CMKLR1: variants seen among roughly 807,000 people sequenced by gnomAD.
The protein encoded by CMKLR1 is chemerin-like receptor 1.
CMKLR1 carries 6 observed loss-of-function variants against 8.2 expected under a neutral mutation model. That is an observed-to-expected ratio of 0.73 (90% CI 0.40 to 1.44). The LOEUF is 1.44. Among genes scored for constraint, CMKLR1 ranks in the 40% most tolerant of loss-of-function variants. The pLI, the probability that CMKLR1 is intolerant of heterozygous loss-of-function variation, is 0.02. For missense variants in CMKLR1, 429 were observed against 478.0 expected (o/e 0.90, Z 0.96); for synonymous variants, 178 against 181.2 (o/e 0.98, Z 0.14).
chr12:108,291,491 T>G lies in CMKLR1; in HGVS notation c.*350A>C. The G allele has an allele frequency of 4.1e-6, 1 of 244,216 alleles. No individual in the cohort carries two copies. Among genetic ancestry groups the G allele is most frequent in the South Asian group, 6.4e-5 (1 of 15,722 alleles). The allele number at this position is 244,216 out of a possible 1,614,324, so 15.1% of individuals were successfully genotyped here. A position where few individuals can be genotyped will look rare whatever the true frequency, so the allele number is the denominator to read the frequency against. Reference sequence around the variant, plus strand: ...CACACCAGGAATGGACCTTGGAGAGTGTCATTTCTGGGGCACACACAATAG... The same window carrying G: ...CACACCAGGAATGGACCTTGGAGAGGGTCATTTCTGGGGCACACACAATAG... On this transcript the variant is annotated 3_prime_UTR_variant, in exon 4 of 4. Transcript: ENST00000550402.
At position 108,292,426 on chromosome 12, in the gene CMKLR1, G is replaced by A; in HGVS notation, c.537C>T (p.Asp179=). 1 of 1,614,196 alleles carries A rather than the reference G, an allele frequency of 6.2e-7. No homozygotes were observed. Among genetic ancestry groups the A allele is most frequent in the Non-Finnish European group, 8.5e-7 (1 of 1,180,038 alleles). ...ATATTTTCCCATGCAGGTTGGCTGTGTCCCGGAAGACGAGAGATGGGGAAC... is the reference window on the plus strand; with the variant it reads ...ATATTTTCCCATGCAGGTTGGCTGTATCCCGGAAGACGAGAGATGGGGAAC... ...FLSSPSLVFR[D]TANLHGKISC... The change falls in exon 4 of 4, where the codon GAC becomes GAT. Residue 179 remains aspartate (D), a synonymous_variant. Transcript: ENST00000550402.
At chr12:108,335,797 C>T (rs577922030) in intron 1 of CMKLR1, among the ~76,000 whole-genome samples, 8 of 152,306 alleles carry the variant, frequency 5.3e-5, no homozygotes, top group African/African-American at 1.9e-4. Flanking sequence ...GAGTCTTCCA[C>T]CTCTGTTTCA....
chr12:108,308,487 G>C (rs12305593), intron 2 of CMKLR1, among the ~76,000 whole-genome samples: 2,099 of 152,132 alleles, frequency 0.014, 65 homozygotes, highest in African/African-American at 0.048. Context: ...TCAACAGCCT[G>C]TTCCCTGCAG....
chr12:108,323,973 G>C (rs762445611), intron 2 of CMKLR1, among the ~76,000 whole-genome samples: 1 of 152,184 alleles, frequency 6.6e-6, no homozygotes, highest in East Asian at 1.9e-4. Context: ...GCTCCAGAGA[G>C]ACCAGGGGTC....
At chr12:108,338,090 T>G (rs939688490) in intron 1 of CMKLR1, among the ~76,000 whole-genome samples, 21 of 152,344 alleles carry the variant, frequency 1.4e-4, no homozygotes, top group African/African-American at 4.6e-4. Flanking sequence ...GTCTGAGTGA[T>G]TGGGCTTATA....
chr12:108,309,440 C>T lies in CMKLR1; in HGVS notation c.-73-15776G>A, dbSNP rs541502650. ...GCAGTGGGAACAGCAGATGCAAAGG[C>T]AGGAGGATCGCTTGAGCCCAGCAGC... On this transcript the variant is annotated intron_variant, in intron 2 of 3. Coordinates refer to ENST00000550402, the MANE Select transcript of CMKLR1 (RefSeq NM_001142343.2). 4.6e-5 allele frequency among the ~76,000 whole-genome samples: 7 copies of T among 151,982 alleles called. No individual in the cohort carries two copies. In the South Asian group the frequency reaches 1.2e-3, roughly 27 times the overall value.
intron 2 of CMKLR1, among the ~76,000 whole-genome samples, chr12:108,310,008 TAAAGAG>T (rs1420918367): frequency 6.6e-6 from 1 of 151,994 alleles, no homozygotes; most frequent in African/African-American, 2.4e-5. Context: ...CTGCACAAAG[TAAAGAG>T]AAAGGGCTGG....
At chr12:108,337,162 C>T (rs1892246440) in intron 1 of CMKLR1, among the ~76,000 whole-genome samples, 1 of 152,174 alleles carries the variant, frequency 6.6e-6, no homozygotes, top group Non-Finnish European at 1.5e-5. Flanking sequence ...ATGTTCTACT[C>T]CCTTTTGTGG....
At chr12:108,337,244 C>A (rs1892248886) in intron 1 of CMKLR1, among the ~76,000 whole-genome samples, 1 of 152,294 alleles carries the variant, frequency 6.6e-6, no homozygotes, top group South Asian at 2.1e-4. Context: ...ATAGTACCTT[C>A]ATCATGTGGC....
intron 2 of CMKLR1, among the ~76,000 whole-genome samples, chr12:108,318,970 G>T (rs1233913223): frequency 2.0e-5 from 3 of 152,326 alleles, no homozygotes; most frequent in Admixed American, 6.5e-5. Context: ...GCCTTATGCA[G>T]AGCAAATCCT....
chr12:108,332,750 T>A (rs530838563), intron 1 of CMKLR1, among the ~76,000 whole-genome samples: 1 of 152,256 alleles, frequency 6.6e-6, no homozygotes, highest in South Asian at 2.1e-4. Flanking sequence ...TCCCCCTTTT[T>A]ATATGTAGAG....
chr12:108,310,576 G>T (rs918951902), intron 2 of CMKLR1, among the ~76,000 whole-genome samples: 1 of 152,202 alleles, frequency 6.6e-6, no homozygotes, highest in Non-Finnish European at 1.5e-5. Context: ...CACAGGGACT[G>T]GTTTGCTTCC....
chr12:108,327,725 A>G (rs1334297513), intron 2 of CMKLR1, among the ~76,000 whole-genome samples: 3 of 152,346 alleles, frequency 2.0e-5, no homozygotes, highest in South Asian at 4.1e-4. Flanking sequence ...ACTGGGCAGC[A>G]GCCCAGCCTG....
intron 2 of CMKLR1, among the ~76,000 whole-genome samples, chr12:108,324,772 A>T (rs1891943668): frequency 6.6e-6 from 1 of 152,008 alleles, no homozygotes; most frequent in African/African-American, 2.4e-5. Context: ...CTGAGGGTGC[A>T]CCCTTCTGCT....
rs779984645 is a variant in CMKLR1 at position 108,292,806 on chromosome 12, G to A, written c.157C>T (p.Leu53Phe). The change falls in exon 4 of 4, where the codon CTC (leucine) becomes TTC (phenylalanine). Residue 53 changes from leucine to phenylalanine, a missense_variant. Coordinates refer to ENST00000550402, the MANE Select transcript of CMKLR1 (RefSeq NM_001142343.2). Reference sequence around the variant, plus strand: ...ACCAGACCATTGCCCAGAATCCCGAGGAAGCAGACGATGCTGTAGACCACC... The same window carrying A: ...ACCAGACCATTGCCCAGAATCCCGAAGAAGCAGACGATGCTGTAGACCACC... ...LVVVYSIVCF[L>F]GILGNGLVII... The A allele has an allele frequency of 2.2e-5, 35 of 1,614,022 alleles. No homozygotes were observed. Among genetic ancestry groups the A allele is most frequent in the Non-Finnish European group, 2.8e-5 (33 of 1,180,038 alleles).
chr12:108,329,307 G>A (rs536034936), intron 2 of CMKLR1, among the ~76,000 whole-genome samples: 4 of 152,076 alleles, frequency 2.6e-5, no homozygotes, highest in Non-Finnish European at 5.9e-5. Flanking sequence ...TGCCCACCAC[G>A]CCAGACTCCC....
At chr12:108,338,097 T>C (rs1593184226) in intron 1 of CMKLR1, among the ~76,000 whole-genome samples, 1 of 152,326 alleles carries the variant, frequency 6.6e-6, no homozygotes, top group East Asian at 1.9e-4. Flanking sequence ...TGATTGGGCT[T>C]ATATCAAGTA....
intron 3 of CMKLR1, 21 bp downstream of exon 3, chr12:108,293,568 C>T: frequency 6.4e-7 from 1 of 1,550,898 alleles, no homozygotes; most frequent in East Asian, 2.4e-5. Context: ...CTTTGGAGTT[C>T]AGACCACAAG....
rs537068952 is a variant in CMKLR1, at chr12:108,320,079, G to A, written c.-74+9916C>T. 2.2e-3 allele frequency among the ~76,000 whole-genome samples: 337 copies of A among 152,240 alleles called. 1 individual carries two copies. The highest frequency in any genetic ancestry group is 8.0e-3 in the African/African-American group (332 of 41,536). ...CATTCCAGCTGCCAAGTCAGGGAAG[G>A]CTGCCTGGACACAGTGAAATTTGAA... On this transcript the variant is annotated intron_variant, in intron 2 of 3. Coordinates refer to ENST00000550402, the MANE Select transcript of CMKLR1 (RefSeq NM_001142343.2).
Sources: gnomAD v4.1 joint callset for allele counts (sites outside exome capture counted in the v4.1 genomes callset) on GRCh38, gnomAD v4.1.1 for gene constraint, MANE v1.5 for transcripts, NCBI Gene and HGNC (gene_info 2026-07-23, HGNC 2026-07-21) for gene names.